Variants in ACVR1C observed in about 807,000 individuals in gnomAD.
ACVR1C encodes activin receptor type-1C.
A neutral mutation model predicts 57.9 loss-of-function variants in ACVR1C; 23 were observed. The observed-to-expected ratio is 0.40, with a 90% confidence interval of 0.29 to 0.56. The LOEUF is 0.56. ACVR1C is among the 20% of genes least tolerant of loss of function. ACVR1C has a pLI of 0.50. For synonymous variants in ACVR1C, 214 were observed against 215.3 expected (o/e 0.99, Z 0.05); for missense variants, 480 against 607.9 (o/e 0.79, Z 2.21).
At chr2:157,622,424 A>T (rs1370781016) in intron 1 of ACVR1C, among the ~76,000 whole-genome samples, 1 of 152,172 alleles carries the variant, frequency 6.6e-6, no homozygotes, top group Non-Finnish European at 1.5e-5. Flanking sequence ...AGACACATAG[A>T]CCAATGCAAC....
rs751644237 is a variant in ACVR1C at position 157,556,116 on chromosome 2, A to G, written c.521T>C (p.Val174Ala). ...GKTLKDLIYD[V>A]TASGSGSGLP... ...ACCAGAGCCAGATCCAGAGGCGGTC[A>G]CATCATAAATCAGATCTTTCAGAGT... The change falls in exon 3 of 9, where the codon GTG becomes GCG. Residue 174 changes from valine (V) to alanine (A), a missense_variant. Transcript: ENST00000243349. 1 of 1,614,128 alleles carries G rather than the reference A, an allele frequency of 6.2e-7. No homozygotes were observed. The highest frequency in any genetic ancestry group is 8.5e-7 in the Non-Finnish European group (1 of 1,179,962).
At chr2:157,614,800 AC>A (rs1351242689) in intron 1 of ACVR1C, among the ~76,000 whole-genome samples, 4 of 152,134 alleles carry the variant, frequency 2.6e-5, no homozygotes, top group Middle Eastern at 3.4e-3. Flanking sequence ...TAATATAGCC[AC>A]CCCAGCTTTC....
At chr2:157,584,172 A>AT (rs1319093399) in intron 2 of ACVR1C, among the ~76,000 whole-genome samples, 5 of 149,854 alleles carry the variant, frequency 3.3e-5, no homozygotes, top group African/African-American at 7.4e-5. Context: ...CCAGAAGAAG[A>AT]TAAAAAAAAA....
At chr2:157,583,102 C>T (rs538704772) in intron 2 of ACVR1C, among the ~76,000 whole-genome samples, 1 of 152,272 alleles carries the variant, frequency 6.6e-6, no homozygotes, top group South Asian at 2.1e-4. Flanking sequence ...CTCAAGTGAT[C>T]TGCCCACCGT....
intron 1 of ACVR1C, among the ~76,000 whole-genome samples, chr2:157,596,335 T>C (rs752954783): frequency 2.2e-4 from 34 of 151,610 alleles, no homozygotes; most frequent in Non-Finnish European, 2.5e-4. Context: ...ATTTGGGGGG[T>C]GGGGGGCAGA....
At chr2:157,575,173 G>C (rs968006776) in intron 2 of ACVR1C, among the ~76,000 whole-genome samples, 11 of 150,202 alleles carry the variant, frequency 7.3e-5, no homozygotes, top group Admixed American at 3.3e-4. Flanking sequence ...TTGTCACCTA[G>C]GCTGGATAGC....
chr2:157,562,099 A>T (rs1688244043), intron 2 of ACVR1C, among the ~76,000 whole-genome samples: 1 of 152,044 alleles, frequency 6.6e-6, no homozygotes, highest in Non-Finnish European at 1.5e-5. Flanking sequence ...GATCAATACC[A>T]TCTTGGCCAA....
chr2:157,590,005 CT>C (rs1456750470), intron 1 of ACVR1C, among the ~76,000 whole-genome samples: 1 of 151,546 alleles, frequency 6.6e-6, no homozygotes, highest in African/African-American at 2.4e-5. Flanking sequence ...CTGGATCCCC[CT>C]CTCACATTAT....
chr2:157,600,817 C>T (rs1682261117), intron 1 of ACVR1C, among the ~76,000 whole-genome samples: 1 of 152,164 alleles, frequency 6.6e-6, no homozygotes, highest in Non-Finnish European at 1.5e-5. Flanking sequence ...CTTTCCAACA[C>T]TGACCATGAG....
chr2:157,567,291 C>T (rs1688418248), intron 2 of ACVR1C, among the ~76,000 whole-genome samples: 1 of 106,054 alleles, frequency 9.4e-6, no homozygotes, highest in Non-Finnish European at 2.0e-5. Context: ...AAACTGGAAA[C>T]TCTAAAACAC....
chr2:157,553,854 G>A (rs969087978), intron 3 of ACVR1C, among the ~76,000 whole-genome samples: 1 of 152,034 alleles, frequency 6.6e-6, no homozygotes, highest in Non-Finnish European at 1.5e-5. Context: ...AGTCAAAGAA[G>A]GAAACAGTAT....
chr2:157,624,497 T>C (rs1237067231), intron 1 of ACVR1C, among the ~76,000 whole-genome samples: 1 of 152,162 alleles, frequency 6.6e-6, no homozygotes, highest in Non-Finnish European at 1.5e-5. Context: ...ACTTCCAAAA[T>C]ACAGCGAACT....
intron 2 of ACVR1C, among the ~76,000 whole-genome samples, chr2:157,574,739 A>T (rs1391757072): frequency 6.6e-6 from 1 of 152,152 alleles, no homozygotes; most frequent in Non-Finnish European, 1.5e-5. Flanking sequence ...AAATAAATCA[A>T]TTGTTTTTCT....
chr2:157,537,277 T>A (rs1405307041), intron 8 of ACVR1C, among the ~76,000 whole-genome samples: 3 of 152,006 alleles, frequency 2.0e-5, no homozygotes, highest in African/African-American at 7.2e-5. Flanking sequence ...GGGTAAGGAA[T>A]CTTCAAAGGT....
chr2:157,549,146 G>A (rs1380455630), intron 4 of ACVR1C, among the ~76,000 whole-genome samples: 1 of 152,128 alleles, frequency 6.6e-6, no homozygotes, highest in East Asian at 1.9e-4. Context: ...ACGAGGTCAG[G>A]AGTTCAAGAC....
intron 3 of ACVR1C, among the ~76,000 whole-genome samples, chr2:157,554,041 GGT>G (rs1687988548): frequency 6.6e-6 from 1 of 151,310 alleles, no homozygotes; most frequent in Non-Finnish European, 1.5e-5. Context: ...AAATTAGCCA[GGT>G]GTAGTGGGGC....
chr2:157,555,169 A>G (rs1281805185), intron 3 of ACVR1C, among the ~76,000 whole-genome samples: 3 of 117,734 alleles, frequency 2.5e-5, no homozygotes, highest in Non-Finnish European at 4.8e-5. Flanking sequence ...CGGACTGCGG[A>G]CTGCAGTGGC....
rs1308351831 is a variant in ACVR1C, at chr2:157,550,537, G to A, written c.545-145C>T. ...TTTTGAAGGAATAAGTACCATTATA[G>A]CAAACTTATTTAATGTCAAAGCATG... On this transcript the variant is annotated intron_variant, in intron 3 of 8. Coordinates refer to ENST00000243349, the MANE Select transcript of ACVR1C (RefSeq NM_145259.3). 4.6e-5 allele frequency: 32 copies of A among 695,066 alleles called. No individual in the cohort carries two copies. The South Asian group carries it at 4.9e-4, about 11-fold the overall frequency. 43.1% of individuals were successfully genotyped at this position (695,066 alleles called of 1,614,324 possible).
rs1687317181 is a variant in ACVR1C at position 157,529,867 on chromosome 2, TAAA to T, written c.*4048_*4050del. ...AATGTTTTGAAAAATGCCCATATTA[TAAA>T]AATTCTATTTAATATTAACATTTTT... On this transcript the variant is annotated 3_prime_UTR_variant, in exon 9 of 9. Coordinates refer to ENST00000243349, the MANE Select transcript of ACVR1C (RefSeq NM_145259.3). The T allele has an allele frequency of 6.6e-6, 1 of 152,108 alleles. No homozygotes were observed. The highest frequency in any genetic ancestry group is 1.5e-5 in the Non-Finnish European group (1 of 67,996). The allele number at this position is 152,108 out of a possible 1,614,324, so 9.4% of individuals were successfully genotyped here.
Sources: gnomAD v4.1 joint callset for allele counts (sites outside exome capture counted in the v4.1 genomes callset) on GRCh38, gnomAD v4.1.1 for gene constraint, MANE v1.5 for transcripts, NCBI Gene and HGNC (gene_info 2026-07-23, HGNC 2026-07-21) for gene names.